Variants in PCDH15 observed in about 807,000 individuals in gnomAD.
PCDH15 encodes the protein protocadherin related 15, also known as protocadherin-15.
In PCDH15, 129 loss-of-function variants were observed where a neutral mutation model predicts 178.5. That is an observed-to-expected ratio of 0.72 (90% CI 0.63 to 0.84). The LOEUF is 0.84. PCDH15 is among the 40% of genes least tolerant of loss of function. The pLI, the probability that PCDH15 is intolerant of heterozygous loss-of-function variation, is 0.00. For missense variants in PCDH15, 2,230 were observed against 2,099.9 expected, an observed-to-expected ratio of 1.06 and a Z score of -1.21; for synonymous variants, 800 against 732.0, an observed-to-expected ratio of 1.09 and a Z score of -1.50.
At chr10:55,068,694 T>A (rs1005581037) in intron 2 of PCDH15, among the ~76,000 whole-genome samples, 1 of 152,072 alleles carries the variant, frequency 6.6e-6, no homozygotes, top group African/African-American at 2.4e-5. Context: ...TATGGTCATT[T>A]TAATATTAAT....
intron 2 of PCDH15, among the ~76,000 whole-genome samples, chr10:55,483,318 A>C (rs558874764): frequency 6.6e-6 from 1 of 151,970 alleles, no homozygotes; most frequent in African/African-American, 2.4e-5. Flanking sequence ...AAAGTACATA[A>C]ACAGACTCTT....
chr10:54,654,305 G>A (rs2094328586), intron 2 of PCDH15, among the ~76,000 whole-genome samples: 1 of 151,442 alleles, frequency 6.6e-6, no homozygotes, highest in Non-Finnish European at 1.5e-5. Context: ...AGCCCCTTAT[G>A]GAAAAATAAA....
chr10:55,453,951 C>T (rs554927540), intron 2 of PCDH15, among the ~76,000 whole-genome samples: 1 of 152,152 alleles, frequency 6.6e-6, no homozygotes, highest in South Asian at 2.1e-4. Context: ...AGAATAAAAT[C>T]CCATATACAA....
At chr10:54,419,071 C>A (rs1000123595) in intron 3 of PCDH15, among the ~76,000 whole-genome samples, 4 of 151,742 alleles carry the variant, frequency 2.6e-5, no homozygotes, top group Admixed American at 2.0e-4. Flanking sequence ...TAGAAAAGGT[C>A]AATACAACTG....
At chr10:54,567,634 C>G (rs1021629389) in intron 2 of PCDH15, among the ~76,000 whole-genome samples, 1 of 152,196 alleles carries the variant, frequency 6.6e-6, no homozygotes, top group East Asian at 1.9e-4. Flanking sequence ...TTGAATAGTT[C>G]AAGATCTCTA....
chr10:53,959,687 G>T (rs770185325), intron 23 of PCDH15, 45 bp downstream of exon 23: 17 of 1,426,788 alleles, frequency 1.2e-5, no homozygotes, highest in African/African-American at 9.9e-5. Flanking sequence ...TTTCAAAAAT[G>T]CCCTAAACAT....
chr10:54,412,258 T>C lies in PCDH15; in HGVS notation c.158-33316A>G, dbSNP rs922141515. On this transcript the variant is annotated intron_variant, in intron 3 of 37. Transcript: ENST00000644397. ...TCTTCTTAAATATATATTTATATTT[T>C]AATATATATTTAAAATTATATATAT... 2.0e-5 allele frequency among the ~76,000 whole-genome samples: 3 copies of C among 149,050 alleles called. No individual in the cohort carries two copies. The Admixed American group carries it at 2.0e-4, about 10-fold the overall frequency.
At chr10:54,674,122 T>C (rs1465098803) in intron 1 of PCDH15, among the ~76,000 whole-genome samples, 1 of 152,218 alleles carries the variant, frequency 6.6e-6, no homozygotes, top group African/African-American at 2.4e-5. Flanking sequence ...ATCAACATTC[T>C]ATACATATAA....
chr10:55,503,250 G>A (rs561691536), intron 2 of PCDH15, among the ~76,000 whole-genome samples: 5 of 149,804 alleles, frequency 3.3e-5, no homozygotes, highest in Admixed American at 1.3e-4. Flanking sequence ...GATAAACAAC[G>A]GTTTTCATAA....
At chr10:53,997,927 A>G (rs2091933062) in intron 20 of PCDH15, among the ~76,000 whole-genome samples, 1 of 152,202 alleles carries the variant, frequency 6.6e-6, no homozygotes, top group Admixed American at 6.5e-5. Context: ...TTACAAAAGC[A>G]GCTAGTTGCA....
At chr10:53,945,622 TG>T (rs1202806111) in intron 23 of PCDH15, among the ~76,000 whole-genome samples, 1 of 151,910 alleles carries the variant, frequency 6.6e-6, no homozygotes, top group Non-Finnish European at 1.5e-5. Flanking sequence ...TGAGTTCAGC[TG>T]TTTTAGATTC....
At chr10:55,207,826 G>A (rs1417143297) in intron 1 of PCDH15, among the ~76,000 whole-genome samples, 3 of 151,980 alleles carry the variant, frequency 2.0e-5, no homozygotes, top group Non-Finnish European at 4.4e-5. Context: ...AAAATTAGCT[G>A]GGCGTGGTGG....
intron 2 of PCDH15, among the ~76,000 whole-genome samples, chr10:55,539,095 G>GCTTC (rs1250960149): frequency 4.8e-5 from 6 of 124,440 alleles, no homozygotes; most frequent in Admixed American, 1.7e-4. Context: ...TCCCTTCCTT[G>GCTTC]CTTCCTTCCT....
chr10:54,928,645 T>A (rs1837689769), intron 2 of PCDH15, among the ~76,000 whole-genome samples: 1 of 152,176 alleles, frequency 6.6e-6, no homozygotes, highest in Non-Finnish European at 1.5e-5. Context: ...TTTTCATTAC[T>A]TTTTCTTTAG....
intron 1 of PCDH15, among the ~76,000 whole-genome samples, chr10:54,709,573 C>G (rs916724447): frequency 7.4e-6 from 1 of 135,032 alleles, no homozygotes; most frequent in Non-Finnish European, 1.6e-5. Flanking sequence ...ACACACAAGT[C>G]TTAGCAATTA....
chr10:54,446,535 G>A (rs1305597494), intron 3 of PCDH15, among the ~76,000 whole-genome samples: 1 of 151,240 alleles, frequency 6.6e-6, no homozygotes, highest in Non-Finnish European at 1.5e-5. Context: ...ATCTTTGTGA[G>A]TCTTCCCATT....
intron 3 of PCDH15, among the ~76,000 whole-genome samples, chr10:54,439,950 T>C (rs1241310680): frequency 6.6e-6 from 1 of 152,076 alleles, no homozygotes; most frequent in Non-Finnish European, 1.5e-5. Flanking sequence ...ATCCTTAGAT[T>C]ATCTAATACA....
chr10:54,281,908 T>A (rs974731880), intron 8 of PCDH15, among the ~76,000 whole-genome samples: 2 of 152,066 alleles, frequency 1.3e-5, no homozygotes, highest in African/African-American at 4.8e-5. Context: ...CAGTAACTCA[T>A]CAAAACTATT....
intron 1 of PCDH15, among the ~76,000 whole-genome samples, chr10:55,254,003 A>G (rs898320912): frequency 1.3e-5 from 2 of 152,184 alleles, no homozygotes; most frequent in Admixed American, 6.5e-5. Flanking sequence ...TATCCTTTAA[A>G]AACGTTTAGT....
Sources: allele counts gnomAD v4.1 joint callset (sites outside exome capture counted in the v4.1 genomes callset), GRCh38; gene constraint gnomAD v4.1.1; transcripts MANE v1.5; gene names NCBI Gene and HGNC (gene_info 2026-07-23, HGNC 2026-07-21).